PTK2: variants seen among roughly 807,000 people sequenced by gnomAD.
PTK2 encodes protein tyrosine kinase 2, also known as focal adhesion kinase 1.
In PTK2, 45 loss-of-function variants were observed where a neutral mutation model predicts 150.1. The observed-to-expected ratio is 0.30, with a 90% CI of 0.24 to 0.38. PTK2 has a LOEUF of 0.38. Among genes scored for constraint, PTK2 ranks in the 10% least tolerant of loss-of-function variants. The pLI is 1.00. For missense variants in PTK2, 919 were observed against 1,307.3 expected (o/e 0.70, Z 4.58); for synonymous variants, 432 against 449.2 (o/e 0.96, Z 0.48).
chr8:140,868,236 C>G (rs921006318), intron 4 of PTK2, among the ~76,000 whole-genome samples: 1 of 152,142 alleles, frequency 6.6e-6, no homozygotes, highest in Admixed American at 6.5e-5. Context: ...GAAGGGTTAG[C>G]TAGCTAGTCC....
At chr8:140,971,503 T>A (rs1164478131) in intron 1 of PTK2, among the ~76,000 whole-genome samples, 2 of 152,224 alleles carry the variant, frequency 1.3e-5, no homozygotes, top group Non-Finnish European at 2.9e-5. Context: ...GAGTCAAGAC[T>A]CAAATTTTTC....
At chr8:140,764,168 A>T (rs772164121) in intron 15 of PTK2, 66 bp downstream of exon 17, 3 of 1,306,424 alleles carry the variant, frequency 2.3e-6, no homozygotes, top group Non-Finnish European at 3.3e-6. Flanking sequence ...GTAAGTATCA[A>T]TAACTTTTAA....
At chr8:140,982,976 GAA>G (rs1213317378) in intron 1 of PTK2, among the ~76,000 whole-genome samples, 1 of 152,246 alleles carries the variant, frequency 6.6e-6, no homozygotes, top group East Asian at 1.9e-4. Context: ...GCATTTAACA[GAA>G]AAGTCACAGA....
At chr8:140,861,704 A>G (rs1186387593) in intron 5 of PTK2, among the ~76,000 whole-genome samples, 2 of 152,232 alleles carry the variant, frequency 1.3e-5, no homozygotes, top group African/African-American at 4.8e-5. Flanking sequence ...TTCCATATCT[A>G]TATTTTAGTA....
intron 14 of PTK2, among the ~76,000 whole-genome samples, chr8:140,767,849 A>C (rs1218502588): frequency 6.6e-6 from 1 of 152,160 alleles, no homozygotes; most frequent in Non-Finnish European, 1.5e-5. Context: ...AGATAGTATT[A>C]CACTGATATG....
chr8:140,919,155 G>A (rs1251432534), intron 2 of PTK2, among the ~76,000 whole-genome samples: 1 of 152,152 alleles, frequency 6.6e-6, no homozygotes, highest in Non-Finnish European at 1.5e-5. Flanking sequence ...TGTATATGAG[G>A]AGATGGCTTG....
At chr8:140,723,043 C>T (rs2100043866) in intron 22 of PTK2, among the ~76,000 whole-genome samples, 1 of 152,134 alleles carries the variant, frequency 6.6e-6, no homozygotes, top group Admixed American at 6.5e-5. Context: ...CTGTGGAGTC[C>T]CTTGCCACAA....
chr8:140,728,313 C>T (rs926130341), intron 22 of PTK2, among the ~76,000 whole-genome samples: 4 of 152,016 alleles, frequency 2.6e-5, no homozygotes, highest in South Asian at 2.1e-4. Context: ...TAATTTTGCA[C>T]GATTCTGTTA....
At chr8:140,817,706 GGCACCAA>G (rs573510074) in intron 10 of PTK2, among the ~76,000 whole-genome samples, 71 of 152,262 alleles carry the variant, frequency 4.7e-4, no homozygotes, top group African/African-American at 1.6e-3. Flanking sequence ...TAGACTGCCT[GGCACCAA>G]GCAGGTTCTC....
At chr8:140,960,722 T>G (rs2100182867) in intron 1 of PTK2, among the ~76,000 whole-genome samples, 1 of 152,078 alleles carries the variant, frequency 6.6e-6, no homozygotes, top group South Asian at 2.1e-4. Flanking sequence ...TGGCTCACTC[T>G]TGTAATCCCA....
At chr8:140,680,083 G>C (rs560848193) in intron 27 of PTK2, among the ~76,000 whole-genome samples, 1 of 152,160 alleles carries the variant, frequency 6.6e-6, no homozygotes, top group Non-Finnish European at 1.5e-5. Context: ...GACAGTACCC[G>C]ATGTGTCAAG....
intron 3 of PTK2, 40 bp from the exon 4 acceptor site, chr8:140,879,677 A>C: frequency 5.2e-6 from 3 of 573,620 alleles, no homozygotes; most frequent in Non-Finnish European, 4.5e-6. Context: ...TTATAAACTG[A>C]AAAAAAAAAA....
chr8:140,688,798 T>C (rs562546553), intron 26 of PTK2, among the ~76,000 whole-genome samples: 28 of 152,332 alleles, frequency 1.8e-4, no homozygotes, highest in African/African-American at 6.0e-4. Flanking sequence ...ACTTAAAACA[T>C]TGTACTGTGT....
intron 5 of PTK2, among the ~76,000 whole-genome samples, chr8:140,857,100 A>G (rs1239758842): frequency 2.0e-5 from 3 of 152,246 alleles, no homozygotes; most frequent in East Asian, 1.9e-4. Context: ...AAGTTAAGCC[A>G]TTGATCAGAG....
exon 3 of PTK2, chr8:140,890,744 GCT>G: frequency 6.2e-7 from 1 of 1,614,086 alleles, no homozygotes; most frequent in Non-Finnish European, 8.5e-7. Flanking sequence ...CCATTATTTT[GCT>G]AGATGCTAGG....
At chr8:140,991,793 G>A (rs1193614993) in intron 1 of PTK2, among the ~76,000 whole-genome samples, 2 of 151,960 alleles carry the variant, frequency 1.3e-5, no homozygotes, top group Non-Finnish European at 2.9e-5. Context: ...AGAACTGCTT[G>A]AGCCCAGGAA....
At chr8:140,895,059 T>C (rs1351043545) in intron 2 of PTK2, among the ~76,000 whole-genome samples, 1 of 152,206 alleles carries the variant, frequency 6.6e-6, no homozygotes, top group Admixed American at 6.5e-5. Flanking sequence ...TGTCTAGCAT[T>C]AGGCTAGACA....
intron 4 of PTK2, among the ~76,000 whole-genome samples, chr8:140,878,070 A>C (rs962033701): frequency 2.6e-5 from 4 of 151,938 alleles, no homozygotes; most frequent in African/African-American, 7.2e-5. Context: ...AAAACAACAC[A>C]AAAACCCTGC....
At chr8:140,898,985 G>A (rs1196204970) in intron 2 of PTK2, among the ~76,000 whole-genome samples, 1 of 152,156 alleles carries the variant, frequency 6.6e-6, no homozygotes, top group Non-Finnish European at 1.5e-5. Flanking sequence ...TCTAGTTAAA[G>A]TGACTCCTTA....
Sources: gnomAD v4.1 joint callset for allele counts (sites outside exome capture counted in the v4.1 genomes callset) on GRCh38, gnomAD v4.1.1 for gene constraint, MANE v1.5 for transcripts, NCBI Gene and HGNC (gene_info 2026-07-23, HGNC 2026-07-21) for gene names.